Variants in HIVEP3 observed in about 807,000 individuals in gnomAD.
HIVEP3 encodes the protein transcription factor HIVEP3.
Under a neutral mutation model 152.8 loss-of-function variants are expected in HIVEP3, and 49 were observed. The observed-to-expected ratio is 0.32, with a 90% CI of 0.26 to 0.41. The LOEUF is 0.41. Among genes scored for constraint, HIVEP3 ranks in the 10% least tolerant of loss-of-function variants. HIVEP3 has a pLI of 1.00. For synonymous variants in HIVEP3, 1,269 were observed against 1,289.0 expected, an observed-to-expected ratio of 0.98 and a Z score of 0.33; for missense variants, 2,790 against 3,103.3, an observed-to-expected ratio of 0.90 and a Z score of 2.40.
chr1:41,941,170 T>C (rs539009120), intron 1 of HIVEP3, among the ~76,000 whole-genome samples: 27 of 152,266 alleles, frequency 1.8e-4, no homozygotes, highest in Non-Finnish European at 2.6e-4. Flanking sequence ...AAGGCAACCC[T>C]TTCAAGAAGT....
At chr1:41,690,538 C>T (rs907196571) in intron 2 of HIVEP3, among the ~76,000 whole-genome samples, 5 of 152,218 alleles carry the variant, frequency 3.3e-5, no homozygotes, top group African/African-American at 1.2e-4. Flanking sequence ...GTGCCTTGGG[C>T]CAGGAGCCTG....
Position 42,028,434 on chromosome 1 carries a change from C to T in HIVEP3, n.119+7373G>A, listed in dbSNP as rs566382422. Among the ~76,000 whole-genome samples, 4 of 152,276 alleles carry T rather than the reference C, an allele frequency of 2.6e-5. No individual in the cohort carries two copies. The South Asian group carries it at 8.3e-4, about 32-fold the overall frequency. ...TCTGCTGCCCATGATCTTCCACCTC[C>T]TTGACACACAGCTTCTTTACTCACT... On this transcript the variant is annotated intron_variant and non_coding_transcript_variant, in intron 1 of 3. Transcript: ENST00000489103.
intron 1 of HIVEP3, among the ~76,000 whole-genome samples, chr1:42,034,467 A>G (rs1645629861): frequency 6.6e-6 from 1 of 152,236 alleles, no homozygotes; most frequent in Middle Eastern, 3.2e-3. Context: ...TGAATCAGGT[A>G]TTATTAAAGA....
intron 1 of HIVEP3, among the ~76,000 whole-genome samples, chr1:41,952,024 T>C (rs1419612676): frequency 4.6e-5 from 7 of 152,186 alleles, no homozygotes; most frequent in Non-Finnish European, 1.0e-4. Flanking sequence ...TGGCAGAAAC[T>C]GGACTGGAAG....
At chr1:41,712,250 C>G (rs1646524099) in intron 1 of HIVEP3, among the ~76,000 whole-genome samples, 1 of 152,250 alleles carries the variant, frequency 6.6e-6, no homozygotes, top group Admixed American at 6.5e-5. Context: ...GAAGCAGGAA[C>G]AGGGCCATGG....
intron 3 of HIVEP3, among the ~76,000 whole-genome samples, chr1:41,612,778 C>T (rs574476715): frequency 2.6e-5 from 4 of 152,326 alleles, no homozygotes; most frequent in South Asian, 2.1e-4. Context: ...GAATCATCAC[C>T]GTCCTAAGTG....
intron 5 of HIVEP3, among the ~76,000 whole-genome samples, chr1:41,549,232 C>T (rs1292538757): frequency 6.6e-6 from 1 of 152,140 alleles, no homozygotes; most frequent in Non-Finnish European, 1.5e-5. Context: ...CATAGTATTC[C>T]ATGGTGTATA....
chr1:41,861,005 G>A (rs368254236), intron 1 of HIVEP3, among the ~76,000 whole-genome samples: 5 of 152,182 alleles, frequency 3.3e-5, no homozygotes, highest in Non-Finnish European at 5.9e-5. Flanking sequence ...TTAAAATCCC[G>A]AACTACGAGG....
intron 1 of HIVEP3, among the ~76,000 whole-genome samples, chr1:41,917,155 C>A (rs778789254): frequency 1.3e-5 from 2 of 152,194 alleles, no homozygotes; most frequent in Non-Finnish European, 2.9e-5. Flanking sequence ...TAGCACCCAA[C>A]TTCTTCAGTC....
intron 1 of HIVEP3, among the ~76,000 whole-genome samples, chr1:41,955,368 G>A (rs1412225125): frequency 6.6e-6 from 1 of 152,180 alleles, no homozygotes; most frequent in South Asian, 2.1e-4. Context: ...AGGCACAAGT[G>A]AAGACTGGAA....
At chr1:41,931,569 A>C (rs1164207119) in intron 1 of HIVEP3, among the ~76,000 whole-genome samples, 3 of 152,012 alleles carry the variant, frequency 2.0e-5, no homozygotes, top group Non-Finnish European at 4.4e-5. Flanking sequence ...ATTTGTTTTC[A>C]TGGGGACAAA....
chr1:41,806,130 C>T (rs146815490), intron 1 of HIVEP3, among the ~76,000 whole-genome samples: 180 of 152,310 alleles, frequency 1.2e-3, no homozygotes, highest in African/African-American at 4.2e-3. Context: ...GCCTTCCTTC[C>T]TGAATGTTCC....
chr1:42,017,946 G>T (rs184861379), intron 1 of HIVEP3, among the ~76,000 whole-genome samples: 1 of 151,984 alleles, frequency 6.6e-6, no homozygotes, highest in East Asian at 1.9e-4. Flanking sequence ...GGTATTGTCC[G>T]ACTTTTTAAA....
At chr1:41,733,751 G>T (rs899937245) in intron 1 of HIVEP3, among the ~76,000 whole-genome samples, 4 of 152,160 alleles carry the variant, frequency 2.6e-5, no homozygotes, top group African/African-American at 9.7e-5. Context: ...AAGGGATGTG[G>T]GGAAGGCTCT....
intron 3 of HIVEP3, among the ~76,000 whole-genome samples, chr1:41,610,990 C>T (rs1173621228): frequency 6.6e-6 from 1 of 152,182 alleles, no homozygotes; most frequent in Admixed American, 6.5e-5. Context: ...TAAGCTCTTG[C>T]AGTTCATACA....
intron 1 of HIVEP3, among the ~76,000 whole-genome samples, chr1:41,780,380 C>T (rs1221119525): frequency 1.3e-5 from 2 of 152,218 alleles, no homozygotes; most frequent in Non-Finnish European, 2.9e-5. Flanking sequence ...AAAAGAGAGT[C>T]AGGACACCCA....
intron 1 of HIVEP3, among the ~76,000 whole-genome samples, chr1:41,770,722 T>TGAAAAGACAA (rs1648299942): frequency 6.6e-6 from 1 of 152,066 alleles, no homozygotes; most frequent in African/African-American, 2.4e-5. Flanking sequence ...GTCAAGGTCA[T>TGAAAAGACAA]GAAAAGACAA....
chr1:41,798,483 G>A (rs111435970), intron 1 of HIVEP3, among the ~76,000 whole-genome samples: 10,086 of 152,158 alleles, frequency 0.066, 360 homozygotes, highest in Middle Eastern at 0.17. Context: ...ATAGGCTGAT[G>A]CCACACCAGG....
chr1:41,524,446 G>C (rs374541908), intron 6 of HIVEP3, among the ~76,000 whole-genome samples: 18 of 152,138 alleles, frequency 1.2e-4, no homozygotes, highest in Non-Finnish European at 1.9e-4. Context: ...AACCATGAAC[G>C]GTGAGCAAGA....
Sources: allele counts gnomAD v4.1 joint callset (sites outside exome capture counted in the v4.1 genomes callset), GRCh38; gene constraint gnomAD v4.1.1; transcripts MANE v1.5; gene names NCBI Gene and HGNC (gene_info 2026-07-23, HGNC 2026-07-21).